The following DNMBP variants were observed in gnomAD, a reference collection of about 807,000 sequenced individuals.
The protein encoded by DNMBP is dynamin binding protein.
A neutral mutation model predicts 150.0 loss-of-function variants in DNMBP; 87 were observed. The ratio of observed to expected loss-of-function variants is 0.58; its 90% confidence interval spans 0.49 to 0.69. DNMBP has a LOEUF of 0.69. DNMBP is among the 30% of genes least tolerant of loss of function. DNMBP has a pLI of 0.00. For missense variants in DNMBP, 1,774 were observed against 1,949.0 expected, an observed-to-expected ratio of 0.91 and a Z score of 1.69; for synonymous variants, 711 against 750.4, an observed-to-expected ratio of 0.95 and a Z score of 0.86.
At chr10:99,992,483 G>A (rs2040906068) in intron 1 of DNMBP, among the ~76,000 whole-genome samples, 1 of 151,654 alleles carries the variant, frequency 6.6e-6, no homozygotes, top group Non-Finnish European at 1.5e-5. Flanking sequence ...TGTAATCCCA[G>A]CACTCTGGGA....
chr10:99,998,466 G>C (rs912486575), intron 1 of DNMBP, among the ~76,000 whole-genome samples: 1 of 151,088 alleles, frequency 6.6e-6, no homozygotes, highest in Non-Finnish European at 1.5e-5. Flanking sequence ...TGTAATGCCA[G>C]CTACTCAGGA....
intron 1 of DNMBP, among the ~76,000 whole-genome samples, chr10:99,983,838 A>T (rs922272025): frequency 6.6e-5 from 10 of 152,222 alleles, no homozygotes; most frequent in African/African-American, 2.4e-4. Context: ...GCTGATTTCA[A>T]ACTTGGCCCA....
intron 1 of DNMBP, among the ~76,000 whole-genome samples, chr10:99,987,195 A>G (rs2040837500): frequency 1.3e-5 from 2 of 150,388 alleles, no homozygotes; most frequent in African/African-American, 2.5e-5. Context: ...AGATGGGGGC[A>G]CTAACATGAC....
intron 4 of DNMBP, among the ~76,000 whole-genome samples, chr10:99,939,873 G>T (rs530907395): frequency 6.6e-6 from 1 of 152,312 alleles, no homozygotes; most frequent in East Asian, 1.9e-4. Context: ...AACCAGTCCT[G>T]TGGTCCCACC....
rs188612883 is a variant in DNMBP, at chr10:99,911,347, C to T, written c.2261-2201G>A. ...ACCAGCCTGACCAACATGGTGAAAC[C>T]CCATCTCTACTAAAAATACAAAAAT... On this transcript the variant is annotated intron_variant, in intron 4 of 16. Transcript: ENST00000324109. 1.5e-3 allele frequency among the ~76,000 whole-genome samples: 226 copies of T among 152,126 alleles called. 1 individual carries two copies. In the Middle Eastern group the frequency reaches 0.02, roughly 14 times the overall value.
At chr10:99,988,665 T>C (rs545999179) in intron 1 of DNMBP, among the ~76,000 whole-genome samples, 11 of 152,074 alleles carry the variant, frequency 7.2e-5, no homozygotes, top group Non-Finnish European at 1.5e-4. Flanking sequence ...TTTTTATTTA[T>C]TTATTTATTT....
At chr10:99,886,251 C>T (rs757486659) in intron 13 of DNMBP, 49 bp downstream of exon 13, 4 of 1,467,434 alleles carry the variant, frequency 2.7e-6, no homozygotes, top group Non-Finnish European at 3.7e-6. Flanking sequence ...AGAAAAATAC[C>T]AGGCAAAGGC....
chr10:99,955,826 A>G lies in DNMBP; in HGVS notation c.1648T>C (p.Ser550Pro). The change falls in exon 4 of 17, where the codon TCG becomes CCG. Residue 550 changes from serine to proline, a missense_variant. Transcript: ENST00000324109. Reference protein sequence around the residue: ...SQGDGSTDLDSKLTQQLIEFE... With the variant: ...SQGDGSTDLDPKLTQQLIEFE... ...TCGATCAGCTGTTGTGTCAGCTTCG[A>G]GTCCAGGTCAGTGCTGCCGTCTCCC... 6.2e-7 allele frequency: 1 copy of G among 1,614,208 alleles called. No individual in the cohort carries two copies. The highest frequency in any genetic ancestry group is 8.5e-7 in the Non-Finnish European group (1 of 1,180,034).
rs2039515672 is a variant in DNMBP, at chr10:99,888,965, T to C, written c.3157-12A>G. 6.2e-7 allele frequency: 1 copy of C among 1,613,868 alleles called. No individual in the cohort carries two copies. The highest frequency in any genetic ancestry group is 1.3e-5 in the African/African-American group (1 of 74,884). ...ACACATGCGGACTCCTGGAGCCAGT[T>C]AGGACAGACACAAGTCAGAACAGAC... On this transcript the variant is annotated splice_polypyrimidine_tract_variant and intron_variant, in intron 11 of 16. Transcript: ENST00000324109.
intron 4 of DNMBP, among the ~76,000 whole-genome samples, chr10:99,913,493 A>G (rs747496394): frequency 5.9e-5 from 9 of 152,180 alleles, no homozygotes; most frequent in Non-Finnish European, 1.2e-4. Flanking sequence ...CCACTTTTCT[A>G]TGAGAACAAT....
At chr10:99,880,658 T>C (rs2039352952) in intron 15 of DNMBP, among the ~76,000 whole-genome samples, 1 of 151,992 alleles carries the variant, frequency 6.6e-6, no homozygotes, top group Non-Finnish European at 1.5e-5. Context: ...AGGAGGCCCA[T>C]GGCCAACTGA....
intron 1 of DNMBP, among the ~76,000 whole-genome samples, chr10:99,984,694 CAGA>C (rs2040812502): frequency 6.6e-6 from 1 of 152,178 alleles, no homozygotes. Flanking sequence ...GTTTCTGCTA[CAGA>C]AGATTTAAAA....
chr10:99,892,573 A>G (rs1027100124), intron 11 of DNMBP, among the ~76,000 whole-genome samples: 1 of 132,524 alleles, frequency 7.5e-6, no homozygotes, highest in African/African-American at 3.0e-5. Flanking sequence ...GCTCGTTAAG[A>G]GTCATCACCA....
At chr10:100,000,586 T>C (rs1325305128) in intron 1 of DNMBP, among the ~76,000 whole-genome samples, 3 of 152,164 alleles carry the variant, frequency 2.0e-5, no homozygotes, top group Non-Finnish European at 4.4e-5. Context: ...TCTACTAGCC[T>C]GCTGAACCTA....
At chr10:99,916,239 G>T (rs2039963646) in intron 4 of DNMBP, among the ~76,000 whole-genome samples, 1 of 152,234 alleles carries the variant, frequency 6.6e-6, no homozygotes, top group Non-Finnish European at 1.5e-5. Flanking sequence ...AAGGCAGGCG[G>T]ATCACCTGAG....
chr10:99,901,985 C>T (rs2039747180), intron 6 of DNMBP, among the ~76,000 whole-genome samples: 1 of 151,954 alleles, frequency 6.6e-6, no homozygotes, highest in African/African-American at 2.4e-5. Context: ...TCACTGCACC[C>T]GCCACCTCCT....
chr10:99,964,397 C>T (rs1021982723), intron 3 of DNMBP, among the ~76,000 whole-genome samples: 5 of 150,994 alleles, frequency 3.3e-5, no homozygotes, highest in Non-Finnish European at 5.9e-5. Flanking sequence ...GCTGGGATTA[C>T]AGGCGTGAGC....
chr10:99,985,784 C>A (rs2040821483), intron 1 of DNMBP, among the ~76,000 whole-genome samples: 1 of 152,102 alleles, frequency 6.6e-6, no homozygotes, highest in Non-Finnish European at 1.5e-5. Flanking sequence ...TGAGAGGTGT[C>A]AGAAAGTGAA....
At chr10:99,966,051 G>A (rs1387250971) in intron 3 of DNMBP, among the ~76,000 whole-genome samples, 4 of 152,146 alleles carry the variant, frequency 2.6e-5, no homozygotes, top group Non-Finnish European at 2.9e-5. Flanking sequence ...GACTTGTCAC[G>A]TATACAAAAA....
Sources: gnomAD v4.1 joint callset for allele counts (sites outside exome capture counted in the v4.1 genomes callset) on GRCh38, gnomAD v4.1.1 for gene constraint, MANE v1.5 for transcripts, NCBI Gene and HGNC (gene_info 2026-07-23, HGNC 2026-07-21) for gene names.